ADAP1: variants seen among roughly 807,000 people sequenced by gnomAD.
ADAP1 encodes ArfGAP with dual PH domains 1.
ADAP1 carries 31 observed loss-of-function variants against 54.9 expected under a neutral mutation model. That is an observed-to-expected ratio of 0.56 (90% CI 0.42 to 0.76). The LOEUF is 0.76. Ranked by LOEUF, ADAP1 falls within the 30% of genes least tolerant of loss-of-function variation. ADAP1 has a pLI of 0.00. For synonymous variants in ADAP1, 313 were observed against 202.6 expected (o/e 1.55, Z -4.63); for missense variants, 535 against 512.4 (o/e 1.04, Z -0.42).
chr7:951,816 T>TCGAGAGGACACAGCCC (rs1847278690), intron 1 of ADAP1, among the ~76,000 whole-genome samples: 1 of 152,132 alleles, frequency 6.6e-6, no homozygotes, highest in Non-Finnish European at 1.5e-5. Context: ...AATATGTGTG[T>TCGAGAGGACACAGCCC]TTTTCTTTTT....
At chr7:939,756 G>A (rs909872749) in intron 1 of ADAP1, among the ~76,000 whole-genome samples, 26 of 151,864 alleles carry the variant, frequency 1.7e-4, no homozygotes, top group African/African-American at 1.7e-4. Context: ...ACTGGAACCC[G>A]GGAGATGGAG....
rs1483432029 is a variant in ADAP1 at position 938,409 on chromosome 7, TG to T, written c.83-2905del. On this transcript the variant is annotated intron_variant, in intron 1 of 10. Coordinates refer to ENST00000265846, the MANE Select transcript of ADAP1 (RefSeq NM_006869.4). This position sits in a 1 kb window ranked among gnomAD's most constrained non-coding sequence, Gnocchi z 4.4. ...GTTGCCCAGCTTGGGCTTGAACTCC[TG>T]GGCTCAAGCGATCCTCCTGTCTTGG... Among the ~76,000 whole-genome samples the T allele has an allele frequency of 6.6e-6, 1 of 152,172 alleles. No individual in the cohort carries two copies. Among genetic ancestry groups the T allele is most frequent in the Non-Finnish European group, 1.5e-5 (1 of 68,032 alleles).
intron 6 of ADAP1, among the ~76,000 whole-genome samples, chr7:903,064 G>A (rs1044469562): frequency 6.6e-6 from 1 of 152,192 alleles, no homozygotes; most frequent in East Asian, 1.9e-4. Flanking sequence ...AGATGAGGCT[G>A]CAGGAGCGAG....
intron 6 of ADAP1, among the ~76,000 whole-genome samples, chr7:903,161 T>A (rs1406578504): frequency 6.6e-6 from 1 of 152,040 alleles, no homozygotes; most frequent in African/African-American, 2.4e-5. Flanking sequence ...CAACACATGG[T>A]CAACTGCGGC....
chr7:905,697 GA>G (rs1845201161), intron 4 of ADAP1: 1 of 54,044 alleles, frequency 1.9e-5, no homozygotes, highest in African/African-American at 7.0e-5. Context: ...GGAGAAAGGA[GA>G]AAGGAGAAAG....
At chr7:950,412 G>A (rs1207347862) in intron 1 of ADAP1, among the ~76,000 whole-genome samples, 1 of 151,798 alleles carries the variant, frequency 6.6e-6, no homozygotes, top group Non-Finnish European at 1.5e-5. Context: ...CATGAGCCTG[G>A]GAGGCGGAGC....
Position 920,181 on chromosome 7 carries a change from T to C in ADAP1, c.306-131A>G. On this transcript the variant is annotated intron_variant, in intron 3 of 10. Transcript: ENST00000265846. The surrounding 1 kb of genome is among the most constrained non-coding windows in gnomAD (Gnocchi z 4.5). ...CCCCGGCAGACTCGAGCCGCCCCTC[T>C]GGGCACAAGATCCCGGAAGAAATGC... 1 of 696,142 alleles carries C rather than the reference T, an allele frequency of 1.4e-6. No individual in the cohort carries two copies. The highest frequency in any genetic ancestry group is 2.4e-6 in the Non-Finnish European group (1 of 419,626). 43.1% of individuals were successfully genotyped at this position (696,142 alleles called of 1,614,324 possible).
chr7:921,811 T>A (rs144411608), intron 3 of ADAP1, among the ~76,000 whole-genome samples: 266 of 152,288 alleles, frequency 1.7e-3, no homozygotes, highest in Non-Finnish European at 2.7e-3. Flanking sequence ...AGGCCGCATG[T>A]GTGGAAGCCG....
At chr7:943,227 G>T (rs1477770434) in intron 1 of ADAP1, among the ~76,000 whole-genome samples, 9 of 47,486 alleles carry the variant, frequency 1.9e-4, no homozygotes, top group South Asian at 1.8e-3. Flanking sequence ...GAAGAGAGAG[G>T]AGGAGGAAGG....
At chr7:912,521 C>G (rs754046686) in intron 4 of ADAP1, among the ~76,000 whole-genome samples, 3 of 152,182 alleles carry the variant, frequency 2.0e-5, no homozygotes, top group Non-Finnish European at 4.4e-5. Flanking sequence ...GCTCAGCGGG[C>G]TGAGGTTCAC....
chr7:900,234 CCCTCTGTGCT>C (rs1340753958), intron 7 of ADAP1, 70 bp from the exon 8 acceptor site: 3 of 1,582,444 alleles, frequency 1.9e-6, no homozygotes, highest in Non-Finnish European at 2.6e-6. Context: ...CTGGCTGTGC[CCCTCTGTGCT>C]CCCCTCACCC....
At chr7:902,475 A>ATGCCTGG (rs1491159593) in intron 6 of ADAP1, among the ~76,000 whole-genome samples, 1 of 142,264 alleles carries the variant, frequency 7.0e-6, no homozygotes, top group Non-Finnish European at 1.5e-5. Context: ...AAAAAAAGAA[A>ATGCCTGG]GAAAAGAAAG....
At chr7:905,284 AC>A in intron 4 of ADAP1, 112 bp from the exon 5 acceptor site, 4 of 296,508 alleles carry the variant, frequency 1.3e-5, no homozygotes, top group African/African-American at 1.3e-4. Context: ...GGGGACACGG[AC>A]GGGGGACACG....
At chr7:899,972 A>AAGG in intron 8 of ADAP1, 130 bp downstream of exon 8, 1 of 1,116,744 alleles carries the variant, frequency 9.0e-7, no homozygotes, top group Non-Finnish European at 1.3e-6. Flanking sequence ...GGCACAGACA[A>AAGG]GGGGCTGTGA....
rs184513951 is a variant in ADAP1, at chr7:920,635, G to C, written c.306-585C>G. 10 of 676,170 alleles carry C rather than the reference G, an allele frequency of 1.5e-5. No homozygotes were observed. The highest frequency in any genetic ancestry group is 2.4e-5 in the Non-Finnish European group (10 of 411,438). 41.9% of individuals were successfully genotyped at this position (676,170 alleles called of 1,614,324 possible). On this transcript the variant is annotated intron_variant, in intron 3 of 10. Coordinates refer to ENST00000265846, the MANE Select transcript of ADAP1 (RefSeq NM_006869.4). This position sits in a 1 kb window ranked among gnomAD's most constrained non-coding sequence, Gnocchi z 4.5. The stretch of plus-strand genomic sequence containing the variant: ...GTCCGGGGCATCAGGAGAAACTACC[G>C]GCAAATACCCAAGAATCCAGGAAGA...
chr7:926,960 C>T lies in ADAP1; in HGVS notation c.214-316G>A, dbSNP rs532824914. 22 of 1,262,790 alleles carry T rather than the reference C, an allele frequency of 1.7e-5. No homozygotes were observed. Among genetic ancestry groups the T allele is most frequent in the South Asian group, 9.4e-5 (6 of 63,876 alleles). The allele number at this position is 1,262,790 out of a possible 1,614,324, so 78.2% of individuals were successfully genotyped here. A position where few individuals can be genotyped will look rare whatever the true frequency, so the allele number is the denominator to read the frequency against. On this transcript the variant is annotated intron_variant, in intron 2 of 10. Coordinates refer to ENST00000265846, the MANE Select transcript of ADAP1 (RefSeq NM_006869.4). The surrounding 1 kb of genome is among the most constrained non-coding windows in gnomAD (Gnocchi z 4.6). ...TTTCAACCCCCAAGTCCACCCACACCGGGTGTCCCGTGGGAGAGAGCTGGC... is the reference window on the plus strand; with the variant it reads ...TTTCAACCCCCAAGTCCACCCACACTGGGTGTCCCGTGGGAGAGAGCTGGC...
Position 899,449 on chromosome 7 carries a change from G to A in ADAP1, c.837C>T (p.Asp279=), listed in dbSNP as rs61742845. The A allele has an allele frequency of 2.3e-3, 3,631 of 1,613,192 alleles. 82 individuals are homozygous for A. The African/African-American group carries it at 0.043, about 19-fold the overall frequency. ...GFRKRWFTMD[D]RRLMYFKDPL... ...GGTCTTTGAAGTACATGAGCCTGCG[G>A]TCATCCATGGTGAACCAGCGCTTCC... Residue 279 remains aspartate (D), a synonymous_variant, in exon 9 of 11, where the codon GAC becomes GAT. Transcript: ENST00000265846.
intron 3 of ADAP1, among the ~76,000 whole-genome samples, chr7:923,705 C>G (rs891974768): frequency 6.6e-6 from 1 of 152,274 alleles, no homozygotes; most frequent in Middle Eastern, 3.4e-3. Flanking sequence ...GCCGGGAGGC[C>G]GCAGGGCATG....
intron 4 of ADAP1, among the ~76,000 whole-genome samples, chr7:909,214 C>CGCCGCATTCCAG (rs1562917953): frequency 5.1e-5 from 3 of 58,502 alleles, no homozygotes; most frequent in African/African-American, 2.3e-4. Flanking sequence ...CAGGCGCCAG[C>CGCCGCATTCCAG]GGGAACCCCG....
Sources: gnomAD v4.1 joint callset for allele counts (sites outside exome capture counted in the v4.1 genomes callset) on GRCh38, gnomAD v4.1.1 for gene constraint, Gnocchi (gnomAD v3.1) non-coding constraint, MANE v1.5 for transcripts, NCBI Gene and HGNC (gene_info 2026-07-23, HGNC 2026-07-21) for gene names.